CHODL: variants seen among roughly 807,000 people sequenced by gnomAD.
The protein encoded by CHODL is chondrolectin.
In CHODL, 29 loss-of-function variants were observed where a neutral mutation model predicts 34.5. The observed-to-expected ratio is 0.84, with a 90% CI of 0.63 to 1.15. The LOEUF (loss-of-function observed/expected upper bound fraction) is 1.15. CHODL is among the 50% of genes most tolerant of loss of function. The probability of loss-of-function intolerance (pLI) is 0.00; values close to 1 mark genes in which losing one functional copy is unlikely to be tolerated. For synonymous variants in CHODL, 125 were observed against 116.1 expected (o/e 1.08, Z -0.49); for missense variants, 332 against 332.5 (o/e 1.00, Z 0.01).
chr21:18,220,735 T>C (rs2146738205), intron 2 of CHODL, among the ~76,000 whole-genome samples: 1 of 152,134 alleles, frequency 6.6e-6, no homozygotes, highest in South Asian at 2.1e-4. Context: ...TATCATCCCA[T>C]TCTCTTTCTG....
At chr21:17,919,216 C>T (rs1014938539) in intron 1 of CHODL, among the ~76,000 whole-genome samples, 1 of 152,194 alleles carries the variant, frequency 6.6e-6, no homozygotes, top group African/African-American at 2.4e-5. Flanking sequence ...AGGTGGTGCC[C>T]CCATAGGGAC....
chr21:18,107,817 T>A (rs11911851), intron 2 of CHODL, among the ~76,000 whole-genome samples: 10,093 of 152,196 alleles, frequency 0.066, 1,081 homozygotes, highest in African/African-American at 0.23. Context: ...AGAATTTTTT[T>A]AAAAAGTGAG....
intron 2 of CHODL, among the ~76,000 whole-genome samples, chr21:18,159,724 A>G (rs1490730889): frequency 1.3e-5 from 2 of 152,152 alleles, no homozygotes; most frequent in Non-Finnish European, 2.9e-5. Flanking sequence ...CAAATGATCT[A>G]TAAGTGGGCC....
chr21:18,252,665 A>G (rs139318431), intron 1 of CHODL, among the ~76,000 whole-genome samples: 1 of 152,244 alleles, frequency 6.6e-6, no homozygotes, highest in African/African-American at 2.4e-5. Context: ...ACTGTATATA[A>G]ACCCATAAAA....
chr21:18,037,859 A>AT (rs1157054374), intron 2 of CHODL, among the ~76,000 whole-genome samples: 1 of 151,704 alleles, frequency 6.6e-6, no homozygotes, highest in African/African-American at 2.4e-5. Flanking sequence ...CAGATTTAAC[A>AT]TTTTCCTCTC....
At chr21:18,262,769 T>G in intron 4 of CHODL, 22 bp from the exon 5 acceptor site, 1 of 1,309,212 alleles carries the variant, frequency 7.6e-7, no homozygotes, top group South Asian at 1.2e-5. Context: ...TCTTTTCACA[T>G]GAAGACTGTT....
chr21:18,190,449 C>T (rs951637562), intron 2 of CHODL, among the ~76,000 whole-genome samples: 2 of 152,144 alleles, frequency 1.3e-5, no homozygotes, highest in African/African-American at 2.4e-5. Context: ...AGACACTTCA[C>T]GGCAAATCCT....
At chr21:17,968,318 C>A (rs982667240) in intron 1 of CHODL, among the ~76,000 whole-genome samples, 4 of 152,126 alleles carry the variant, frequency 2.6e-5, no homozygotes, top group Admixed American at 6.6e-5. Context: ...ATGTCTTTTT[C>A]CGATTATTTA....
At chr21:18,245,970 G>GTAGGTGCACAAT (rs770453363) in intron 1 of CHODL, 1 of 1,528,174 alleles carries the variant, frequency 6.5e-7, no homozygotes, top group Non-Finnish European at 8.8e-7. Flanking sequence ...TCGGCACACA[G>GTAGGTGCACAAT]TAGGTGCACA....
At chr21:17,985,832 G>A (rs1365662989) in intron 1 of CHODL, among the ~76,000 whole-genome samples, 1 of 152,114 alleles carries the variant, frequency 6.6e-6, no homozygotes, top group African/African-American at 2.4e-5. Flanking sequence ...AGCTTAAATA[G>A]CAAATATTTA....
At chr21:18,181,737 A>C (rs1306729996) in intron 2 of CHODL, among the ~76,000 whole-genome samples, 2 of 152,088 alleles carry the variant, frequency 1.3e-5, no homozygotes, top group Non-Finnish European at 2.9e-5. Flanking sequence ...ACTAATCTTC[A>C]TTCTGCCTCT....
chr21:17,977,458 G>T (rs197577), intron 1 of CHODL, among the ~76,000 whole-genome samples: 95,996 of 148,196 alleles, frequency 0.65, 31,721 homozygotes, highest in African/African-American at 0.79. Context: ...CTCCGCCTTC[G>T]GAGTTCAAGC....
intron 2 of CHODL, among the ~76,000 whole-genome samples, chr21:18,032,329 C>T (rs1423995332): frequency 1.3e-5 from 2 of 151,930 alleles, no homozygotes; most frequent in African/African-American, 4.8e-5. Flanking sequence ...TAAATGTATA[C>T]AATTTTTATG....
intron 1 of CHODL, among the ~76,000 whole-genome samples, chr21:18,003,149 C>G (rs746034805): frequency 1.2e-4 from 18 of 148,820 alleles, no homozygotes; most frequent in East Asian, 3.9e-4. Flanking sequence ...AAAAAAAACC[C>G]AAGAGCCCTG....
chr21:17,925,689 T>A (rs1011230879), intron 1 of CHODL, among the ~76,000 whole-genome samples: 2 of 152,240 alleles, frequency 1.3e-5, no homozygotes, highest in African/African-American at 4.8e-5. Flanking sequence ...AATTTATTTA[T>A]AATAGATTTG....
At chr21:18,180,888 G>A (rs1568925826) in intron 2 of CHODL, among the ~76,000 whole-genome samples, 1 of 152,200 alleles carries the variant, frequency 6.6e-6, no homozygotes, top group Non-Finnish European at 1.5e-5. Context: ...ATTTCTCCAT[G>A]TGTAAACATA....
chr21:18,045,392 CTG>C (rs1470845080), intron 2 of CHODL, among the ~76,000 whole-genome samples: 3 of 151,992 alleles, frequency 2.0e-5, no homozygotes, highest in Non-Finnish European at 4.4e-5. Context: ...CCGGTGAAAA[CTG>C]TCTTTACAAC....
At chr21:18,183,091 T>G (rs980603830) in intron 2 of CHODL, among the ~76,000 whole-genome samples, 7 of 152,238 alleles carry the variant, frequency 4.6e-5, no homozygotes, top group African/African-American at 1.7e-4. Context: ...TCATTCCTTT[T>G]AAAATACACT....
At chr21:18,222,943 A>G (rs2073898333) in intron 2 of CHODL, among the ~76,000 whole-genome samples, 1 of 152,254 alleles carries the variant, frequency 6.6e-6, no homozygotes, top group Non-Finnish European at 1.5e-5. Context: ...CCGCCAGTAC[A>G]GTCCCATATT....
Sources: allele counts gnomAD v4.1 joint callset (sites outside exome capture counted in the v4.1 genomes callset), GRCh38; gene constraint gnomAD v4.1.1; transcripts MANE v1.5; gene names NCBI Gene and HGNC (gene_info 2026-07-23, HGNC 2026-07-21).